Variants in R3HDM1 observed in about 807,000 individuals in gnomAD.
The protein encoded by R3HDM1 is R3H domain-containing protein 1.
R3HDM1 carries 46 observed loss-of-function variants against 141.1 expected under a neutral mutation model. The ratio of observed to expected loss-of-function variants is 0.33; its 90% CI spans 0.26 to 0.42. The LOEUF is 0.42. R3HDM1 is among the 10% of genes least tolerant of loss of function. The pLI is 1.00. For synonymous variants in R3HDM1, 435 were observed against 472.9 expected, an observed-to-expected ratio of 0.92 and a Z score of 1.04; for missense variants, 1,184 against 1,368.3, an observed-to-expected ratio of 0.87 and a Z score of 2.12.
chr2:135,538,537 CAT>C (rs752598280), intron 1 of R3HDM1, among the ~76,000 whole-genome samples: 49 of 152,240 alleles, frequency 3.2e-4, no homozygotes, highest in Non-Finnish European at 4.9e-4. Context: ...TTAAAATAGA[CAT>C]ATTATAGCTG....
intron 16 of R3HDM1, among the ~76,000 whole-genome samples, chr2:135,645,879 C>A (rs2064339130): frequency 6.6e-6 from 1 of 152,148 alleles, no homozygotes; most frequent in African/African-American, 2.4e-5. Context: ...TAAGATTCCA[C>A]AGATTAAGCA....
intron 14 of R3HDM1, among the ~76,000 whole-genome samples, chr2:135,640,807 T>G (rs1236227289): frequency 1.3e-5 from 2 of 152,164 alleles, no homozygotes; most frequent in African/African-American, 4.8e-5. Flanking sequence ...TAAAAATCAG[T>G]GACATTTTCA....
chr2:135,537,265 G>T (rs1696366590), intron 1 of R3HDM1, among the ~76,000 whole-genome samples: 1 of 143,588 alleles, frequency 7.0e-6, no homozygotes, highest in African/African-American at 2.5e-5. Context: ...GCTAAAGTGA[G>T]CATTAGTCTG....
intron 1 of R3HDM1, among the ~76,000 whole-genome samples, chr2:135,532,831 AT>A (rs1268823951): frequency 6.6e-6 from 1 of 152,186 alleles, no homozygotes; most frequent in Non-Finnish European, 1.5e-5. Context: ...TCTTCATCAC[AT>A]TTTGATGGAG....
chr2:135,699,029 A>AGATT (rs1386383671), intron 21 of R3HDM1, among the ~76,000 whole-genome samples: 1,246 of 117,542 alleles, frequency 0.011, 23 homozygotes, highest in South Asian at 0.038. Flanking sequence ...ATAGATAGAT[A>AGATT]GATAGATAGA....
chr2:135,557,821 A>G (rs1701068957), intron 1 of R3HDM1, among the ~76,000 whole-genome samples: 1 of 152,232 alleles, frequency 6.6e-6, no homozygotes, highest in Non-Finnish European at 1.5e-5. Flanking sequence ...TATTATTACC[A>G]GGAGAGGTGG....
intron 1 of R3HDM1, among the ~76,000 whole-genome samples, chr2:135,563,203 G>A (rs1231947857): frequency 2.0e-5 from 3 of 152,188 alleles, no homozygotes; most frequent in Non-Finnish European, 4.4e-5. Flanking sequence ...GAATAAATGC[G>A]TGCATGTGTG....
chr2:135,698,050 C>A (rs1169343305), intron 21 of R3HDM1, among the ~76,000 whole-genome samples: 2 of 119,736 alleles, frequency 1.7e-5, no homozygotes, highest in African/African-American at 3.2e-5. Flanking sequence ...AAAACTCTGT[C>A]TCAAAAAAAA....
Position 135,712,452 on chromosome 2 carries a change from T to A in R3HDM1, c.2736+2221T>A, listed in dbSNP as rs867547005. ...AATTTTTTTTTTTTTTTTTTTTTTT[T>A]ATAGAGATGGGGTATTGCCGTGTTG... On this transcript the variant is annotated intron_variant, in intron 23 of 26. Coordinates refer to ENST00000683871, the MANE Select transcript of R3HDM1 (RefSeq NM_001378107.1). Among the ~76,000 whole-genome samples the A allele has an allele frequency of 6.6e-3, 820 of 124,164 alleles. 6 individuals are homozygous for A. The highest frequency in any genetic ancestry group is 0.019 in the African/African-American group (739 of 37,996). 81.5% of individuals were successfully genotyped at this position (124,164 alleles called of 152,430 possible).
At chr2:135,625,827 G>A (rs1231169053) in intron 7 of R3HDM1, among the ~76,000 whole-genome samples, 2 of 152,180 alleles carry the variant, frequency 1.3e-5, no homozygotes, top group Non-Finnish European at 2.9e-5. Flanking sequence ...GGTTCCTGGA[G>A]GATGTCAGGC....
rs1708657895 is a variant in R3HDM1 at position 135,589,232 on chromosome 2, T to TTA, written c.-249-13259_-249-13258dup. 2.0e-5 allele frequency among the ~76,000 whole-genome samples: 3 copies of TTA among 152,140 alleles called. No homozygotes were observed. The South Asian group carries it at 6.2e-4, about 32-fold the overall frequency. ...GAAAATTAGATTTACAAGTAACAAG[T>TTA]TATATATATAAAGTATTCAAGAAGC... On this transcript the variant is annotated intron_variant, in intron 1 of 26. Transcript: ENST00000683871.
At chr2:135,590,527 A>G (rs1391591291) in intron 1 of R3HDM1, 18 of 982,818 alleles carry the variant, frequency 1.8e-5, no homozygotes, top group Non-Finnish European at 2.1e-5. Flanking sequence ...TAGGAAATAA[A>G]GCCACAAAAA....
At chr2:135,621,099 A>G (rs2061474531) in intron 5 of R3HDM1, among the ~76,000 whole-genome samples, 1 of 151,984 alleles carries the variant, frequency 6.6e-6, no homozygotes, top group South Asian at 2.1e-4. Flanking sequence ...TTGACTTGAC[A>G]CTTATACATT....
In R3HDM1 at chr2:135,550,032, A is replaced by G. The variant is rs1367168024; in HGVS notation, c.-250+18399A>G. On this transcript the variant is annotated intron_variant, in intron 1 of 26. Coordinates refer to ENST00000683871, the MANE Select transcript of R3HDM1 (RefSeq NM_001378107.1). Reference sequence around the variant, plus strand: ...TTCATAGCTTTTGGAATGGCAGTTTATATTCATAAGACCCAAGTTTAAAAT... The same window carrying G: ...TTCATAGCTTTTGGAATGGCAGTTTGTATTCATAAGACCCAAGTTTAAAAT... 5.1e-6 allele frequency: 5 copies of G among 981,140 alleles called. No individual in the cohort carries two copies. The East Asian group carries it at 5.7e-4, about 111-fold the overall frequency. The allele number at this position is 981,140 out of a possible 1,614,324, so 60.8% of individuals were successfully genotyped here. A position where few individuals can be genotyped will look rare whatever the true frequency, so the allele number is the denominator to read the frequency against.
chr2:135,648,478 A>G (rs903082631), intron 16 of R3HDM1, among the ~76,000 whole-genome samples: 1 of 152,196 alleles, frequency 6.6e-6, no homozygotes, highest in Non-Finnish European at 1.5e-5. Context: ...TTGTCTCTGA[A>G]GACAACATGC....
chr2:135,585,591 G>A (rs1447359232), intron 1 of R3HDM1, among the ~76,000 whole-genome samples: 1 of 152,206 alleles, frequency 6.6e-6, no homozygotes, highest in Admixed American at 6.5e-5. Flanking sequence ...ATCTGGTTTA[G>A]TGTGTTGCCC....
intron 24 of R3HDM1, among the ~76,000 whole-genome samples, chr2:135,720,214 A>G (rs190374275): frequency 5.7e-4 from 87 of 152,262 alleles, no homozygotes; most frequent in African/African-American, 2.0e-3. Flanking sequence ...CCCCCATGTC[A>G]TATCTGCCCT....
intron 1 of R3HDM1, among the ~76,000 whole-genome samples, chr2:135,571,433 C>A (rs1704082094): frequency 6.6e-6 from 1 of 151,836 alleles, no homozygotes. Context: ...TCAAGCAATT[C>A]TTCTGCCTCA....
At chr2:135,599,605 C>T (rs2059459186) in intron 1 of R3HDM1, among the ~76,000 whole-genome samples, 1 of 152,156 alleles carries the variant, frequency 6.6e-6, no homozygotes, top group Non-Finnish European at 1.5e-5. Context: ...GCCCACACAA[C>T]CTTTGGCAAA....
Sources: allele counts gnomAD v4.1 joint callset (sites outside exome capture counted in the v4.1 genomes callset), GRCh38; gene constraint gnomAD v4.1.1; transcripts MANE v1.5; gene names NCBI Gene and HGNC (gene_info 2026-07-23, HGNC 2026-07-21).